PPP1R9A: variants seen among roughly 807,000 people sequenced by gnomAD.
PPP1R9A encodes the protein protein phosphatase 1 regulatory subunit 9A, also known as neurabin-1.
PPP1R9A carries 59 observed loss-of-function variants against 141.9 expected under a neutral mutation model. The observed-to-expected ratio is 0.42, with a 90% CI of 0.34 to 0.52. The LOEUF is 0.52. Among genes scored for constraint, PPP1R9A ranks in the 20% least tolerant of loss-of-function variants. The probability of loss-of-function intolerance (pLI) is 0.10; values close to 1 mark genes in which losing one functional copy is unlikely to be tolerated. For missense variants in PPP1R9A, 1,444 were observed against 1,611.9 expected (o/e 0.90, Z 1.78); for synonymous variants, 500 against 569.7 (o/e 0.88, Z 1.74).
intron 2 of PPP1R9A, among the ~76,000 whole-genome samples, chr7:94,964,595 C>G (rs1797999576): frequency 6.6e-6 from 1 of 152,116 alleles, no homozygotes; most frequent in Non-Finnish European, 1.5e-5. Flanking sequence ...GTTTGGTTTT[C>G]TGTTCCTGTC....
At chr7:95,221,607 T>G (rs1421404203) in intron 7 of PPP1R9A, among the ~76,000 whole-genome samples, 1 of 152,086 alleles carries the variant, frequency 6.6e-6, no homozygotes, top group Non-Finnish European at 1.5e-5. Flanking sequence ...TATTAAGTGA[T>G]GTAATATGTG....
At chr7:95,277,520 C>T (rs1475166932) in intron 16 of PPP1R9A, among the ~76,000 whole-genome samples, 1 of 152,096 alleles carries the variant, frequency 6.6e-6, no homozygotes, top group Non-Finnish European at 1.5e-5. Flanking sequence ...GCCTTGACCT[C>T]CTGGGCTCAA....
chr7:95,249,313 G>T (rs1798558297), intron 9 of PPP1R9A, among the ~76,000 whole-genome samples: 1 of 152,144 alleles, frequency 6.6e-6, no homozygotes, highest in Non-Finnish European at 1.5e-5. Flanking sequence ...ATGAGCTATA[G>T]AATATGTTCA....
At chr7:94,956,188 T>C (rs557857900) in intron 2 of PPP1R9A, among the ~76,000 whole-genome samples, 7 of 152,278 alleles carry the variant, frequency 4.6e-5, no homozygotes, top group Admixed American at 4.6e-4. Context: ...GTTGAACCCT[T>C]GGCTCTAAAG....
At chr7:95,220,978 C>T (rs1039768330) in intron 7 of PPP1R9A, among the ~76,000 whole-genome samples, 1 of 151,946 alleles carries the variant, frequency 6.6e-6, no homozygotes, top group Non-Finnish European at 1.5e-5. Context: ...AGTAGAGGAA[C>T]AGGTATATAT....
chr7:95,080,143 A>C (rs1290297705), intron 2 of PPP1R9A, among the ~76,000 whole-genome samples: 1 of 152,248 alleles, frequency 6.6e-6, no homozygotes, highest in Non-Finnish European at 1.5e-5. Flanking sequence ...AGAGGAAGTC[A>C]AATTGTCCCT....
In PPP1R9A at chr7:95,296,226, A is replaced by G. The variant is rs1411594201; in HGVS notation, c.*5923A>G. On this transcript the variant is annotated 3_prime_UTR_variant, in exon 20 of 20. Transcript: ENST00000433360. ...TAGATTGTTCAAAAAGTTTCAAATG[A>G]CATTCCTTACTCTTTGGTTTTCAGA... 1 of 152,660 alleles carries G rather than the reference A, an allele frequency of 6.6e-6. No individual in the cohort carries two copies. The highest frequency in any genetic ancestry group is 2.4e-5 in the African/African-American group (1 of 41,458). 9.5% of individuals were successfully genotyped at this position (152,660 alleles called of 1,614,324 possible).
At chr7:95,236,385 G>C (rs924532984) in intron 8 of PPP1R9A, among the ~76,000 whole-genome samples, 3 of 152,002 alleles carry the variant, frequency 2.0e-5, no homozygotes, top group Non-Finnish European at 4.4e-5. Flanking sequence ...CTGTGCATTA[G>C]TGGAGGAATA....
rs183717076 is a variant in PPP1R9A at position 95,132,919 on chromosome 7, G to A, written c.1649+12087G>A. Among the ~76,000 whole-genome samples, 99 of 152,308 alleles carry A rather than the reference G, an allele frequency of 6.5e-4. 1 individual carries two copies. Among genetic ancestry groups the A allele is most frequent in the Admixed American group, 2.2e-3 (34 of 15,300 alleles). ...TCTCACCCAGAGAGTCCCAAGGTCT[G>A]AGATCCCCAAGAAATGTTATACCTT... On this transcript the variant is annotated intron_variant, in intron 4 of 19. Transcript: ENST00000433360.
At chr7:94,951,375 G>A (rs1796458317) in intron 2 of PPP1R9A, among the ~76,000 whole-genome samples, 1 of 151,674 alleles carries the variant, frequency 6.6e-6, no homozygotes, top group Non-Finnish European at 1.5e-5. Context: ...TTTTTGTTAG[G>A]TATATTTGAT....
intron 8 of PPP1R9A, among the ~76,000 whole-genome samples, chr7:95,226,805 G>A (rs1354536358): frequency 6.6e-6 from 1 of 152,178 alleles, no homozygotes; most frequent in East Asian, 1.9e-4. Context: ...GAGGCAATGT[G>A]CTCTCAGAGA....
chr7:95,079,849 T>C (rs1815512423), intron 2 of PPP1R9A, among the ~76,000 whole-genome samples: 1 of 152,204 alleles, frequency 6.6e-6, no homozygotes, highest in African/African-American at 2.4e-5. Context: ...CGCATGATTA[T>C]CTCAATAGAT....
intron 7 of PPP1R9A, among the ~76,000 whole-genome samples, chr7:95,215,217 G>A (rs1051956894): frequency 5.4e-5 from 8 of 148,284 alleles, no homozygotes; most frequent in Admixed American, 2.1e-4. Context: ...GAGAACATGC[G>A]GTGTTTGTTT....
chr7:95,092,960 A>C (rs887243076), intron 2 of PPP1R9A, among the ~76,000 whole-genome samples: 1 of 152,186 alleles, frequency 6.6e-6, no homozygotes, highest in Admixed American at 6.5e-5. Flanking sequence ...GGTGACTTGT[A>C]AGAAGCAAAT....
intron 2 of PPP1R9A, among the ~76,000 whole-genome samples, chr7:95,007,814 G>C (rs1443429625): frequency 6.6e-6 from 1 of 152,174 alleles, no homozygotes; most frequent in Non-Finnish European, 1.5e-5. Context: ...GCTCACGCCT[G>C]TAATACCAGC....
At chr7:95,206,712 A>G (rs1790876006) in intron 7 of PPP1R9A, among the ~76,000 whole-genome samples, 1 of 152,256 alleles carries the variant, frequency 6.6e-6, no homozygotes, top group Middle Eastern at 3.2e-3. Context: ...GAATATAATT[A>G]CAATAAAAGC....
At chr7:95,011,319 AGTTTC>A (rs1804385890) in intron 2 of PPP1R9A, among the ~76,000 whole-genome samples, 1 of 152,026 alleles carries the variant, frequency 6.6e-6, no homozygotes, top group Non-Finnish European at 1.5e-5. Context: ...TCTTTCTCGG[AGTTTC>A]TTTTTATAAG....
chr7:95,198,460 C>G lies in PPP1R9A; in HGVS notation c.1866C>G (p.Ala622=), dbSNP rs751325369. The part of the protein sequence containing the change: ...RQRELLEQHY[A]QYDADDDENT... ...GAGAGCTGCTGGAACAGCACTATGC[C>G]CAGTATGATGCCGACGATGACGAGG... Residue 622 remains alanine, a synonymous_variant, in exon 6 of 20, where the codon GCC becomes GCG. Coordinates refer to ENST00000433360, the MANE Select transcript of PPP1R9A (RefSeq NM_001166160.2). The G allele has an allele frequency of 1.9e-6, 3 of 1,601,076 alleles. No individual in the cohort carries two copies. The highest frequency in any genetic ancestry group is 2.6e-6 in the Non-Finnish European group (3 of 1,175,810).
chr7:95,033,947 A>T (rs1317147980), intron 2 of PPP1R9A, among the ~76,000 whole-genome samples: 1 of 152,098 alleles, frequency 6.6e-6, no homozygotes, highest in Non-Finnish European at 1.5e-5. Flanking sequence ...TTCATATCTC[A>T]TAAAGTTCTT....
Sources: gnomAD v4.1 joint callset for allele counts (sites outside exome capture counted in the v4.1 genomes callset) on GRCh38, gnomAD v4.1.1 for gene constraint, MANE v1.5 for transcripts, NCBI Gene and HGNC (gene_info 2026-07-23, HGNC 2026-07-21) for gene names.